NMBR: variants seen among roughly 807,000 people sequenced by gnomAD.
NMBR encodes neuromedin B receptor.
Under a neutral mutation model 20.5 loss-of-function variants are expected in NMBR, and 16 were observed. That is an observed-to-expected ratio of 0.78 (90% CI 0.53 to 1.19). The LOEUF (loss-of-function observed/expected upper bound fraction) is 1.19. NMBR is among the 50% of genes most tolerant of loss of function. The pLI is 0.00. For missense variants in NMBR, 582 were observed against 499.1 expected (o/e 1.17, Z -1.58); for synonymous variants, 212 against 196.6 (o/e 1.08, Z -0.65).
intron 1 of NMBR, among the ~76,000 whole-genome samples, chr6:142,125,987 T>C (rs1229302261): frequency 1.3e-5 from 2 of 151,778 alleles, no homozygotes; most frequent in Admixed American, 6.6e-5. Flanking sequence ...GTACATTAGA[T>C]TTCCAGAAGT....
At chr6:142,081,253 G>A (rs890023925) in intron 2 of NMBR, among the ~76,000 whole-genome samples, 1 of 152,026 alleles carries the variant, frequency 6.6e-6, no homozygotes, top group Non-Finnish European at 1.5e-5. Flanking sequence ...CATCATCTTG[G>A]GGAGTAGGAT....
intron 1 of NMBR, among the ~76,000 whole-genome samples, chr6:142,111,113 G>T (rs573310575): frequency 6.6e-6 from 1 of 151,912 alleles, no homozygotes; most frequent in African/African-American, 2.4e-5. Flanking sequence ...GGTGGCATGC[G>T]CGTGTATTCC....
intron 1 of NMBR, among the ~76,000 whole-genome samples, chr6:142,092,967 A>G: frequency 6.6e-6 from 1 of 152,134 alleles, no homozygotes; most frequent in Non-Finnish European, 1.5e-5. Context: ...CAGTATAACA[A>G]CCTTGTAAAC....
At chr6:142,095,176 C>G (rs1191025539) in intron 1 of NMBR, among the ~76,000 whole-genome samples, 1 of 152,008 alleles carries the variant, frequency 6.6e-6, no homozygotes, top group East Asian at 1.9e-4. Context: ...CTGGCCAGAA[C>G]TTCCAACACT....
intron 1 of NMBR, among the ~76,000 whole-genome samples, chr6:142,126,163 G>C (rs1321452909): frequency 1.3e-5 from 2 of 151,372 alleles, no homozygotes; most frequent in Non-Finnish European, 2.9e-5. Flanking sequence ...TTCTGTTTCT[G>C]GCTTATTTCC....
At chr6:142,083,743 A>G (rs1391539766) in intron 2 of NMBR, among the ~76,000 whole-genome samples, 1 of 152,084 alleles carries the variant, frequency 6.6e-6, no homozygotes, top group Non-Finnish European at 1.5e-5. Context: ...CCCTTCTGCC[A>G]TGTTTCTAAG....
At chr6:142,134,849 T>C (rs1489324932) in intron 1 of NMBR, 3 of 647,052 alleles carry the variant, frequency 4.6e-6, no homozygotes, top group Non-Finnish European at 8.2e-6. Context: ...TTTACAACAA[T>C]TACAATTTTA....
At chr6:142,096,906 G>C (rs1010770501) in intron 1 of NMBR, among the ~76,000 whole-genome samples, 1 of 151,780 alleles carries the variant, frequency 6.6e-6, no homozygotes, top group Admixed American at 6.6e-5. Flanking sequence ...TTGTTGAATT[G>C]ATCCCTTTAC....
At chr6:142,111,369 T>C (rs776058097) in intron 1 of NMBR, among the ~76,000 whole-genome samples, 6 of 152,084 alleles carry the variant, frequency 3.9e-5, no homozygotes, top group Non-Finnish European at 8.8e-5. Flanking sequence ...CAAGGGGCAA[T>C]GAGTACAACA....
chr6:142,104,651 G>T (rs1409358300), intron 1 of NMBR, among the ~76,000 whole-genome samples: 1 of 152,184 alleles, frequency 6.6e-6, no homozygotes, highest in Non-Finnish European at 1.5e-5. Context: ...CTCTTTAATG[G>T]AGAAGGCTGT....
At chr6:142,100,225 T>G (rs765431309) in intron 1 of NMBR, among the ~76,000 whole-genome samples, 5 of 152,284 alleles carry the variant, frequency 3.3e-5, no homozygotes, top group Non-Finnish European at 7.3e-5. Context: ...ACCCAAAATA[T>G]TTGAAAACAT....
chr6:142,120,507 G>A (rs923050076), intron 1 of NMBR, among the ~76,000 whole-genome samples: 17 of 151,894 alleles, frequency 1.1e-4, no homozygotes, highest in Non-Finnish European at 4.4e-5. Context: ...GGGTCTACTT[G>A]AGGCTCTGAG....
chr6:142,132,521 G>T (rs142431069), intron 1 of NMBR, among the ~76,000 whole-genome samples: 17 of 152,166 alleles, frequency 1.1e-4, no homozygotes, highest in Non-Finnish European at 2.2e-4. Context: ...CATGTCTGTG[G>T]CAAGCATTCA....
Position 142,078,884 on chromosome 6 carries a change from G to T in NMBR, c.442C>A (p.Pro148Thr), listed in dbSNP as rs148202124. The T allele has an allele frequency of 3.7e-6, 6 of 1,612,122 alleles. No individual in the cohort carries two copies. In the Admixed American group the frequency reaches 6.7e-5, roughly 18 times the overall value. ...SADRYRAIVN[P>T]MDMQTSGALL... ...GCCCCTGACGTCTGCATGTCCATGGGGTTAACGATGGCTCTGTACCTGGGA... is the reference window on the plus strand; with the variant it reads ...GCCCCTGACGTCTGCATGTCCATGGTGTTAACGATGGCTCTGTACCTGGGA... Residue 148 changes from proline to threonine, a missense_variant, in exon 3 of 4, where the codon CCC (proline) becomes ACC (threonine). Transcript: ENST00000258042.
intron 2 of NMBR, among the ~76,000 whole-genome samples, chr6:142,082,839 A>G (rs1473442645): frequency 6.6e-6 from 1 of 152,198 alleles, no homozygotes; most frequent in African/African-American, 2.4e-5. Context: ...TAAGGAAAGC[A>G]CCACCTTATG....
intron 1 of NMBR, among the ~76,000 whole-genome samples, chr6:142,102,286 A>G (rs1288547006): frequency 1.3e-5 from 2 of 151,598 alleles, no homozygotes; most frequent in African/African-American, 2.4e-5. Flanking sequence ...GCTACTCAGG[A>G]GACTGAGGCA....
chr6:142,101,899 G>A (rs1022021685), intron 1 of NMBR, among the ~76,000 whole-genome samples: 1 of 152,036 alleles, frequency 6.6e-6, no homozygotes, highest in African/African-American at 2.4e-5. Flanking sequence ...TGTCAATCCA[G>A]TTGAAGACAG....
intron 2 of NMBR, among the ~76,000 whole-genome samples, chr6:142,084,455 AT>A (rs1404304366): frequency 1.3e-5 from 2 of 152,208 alleles, no homozygotes; most frequent in Non-Finnish European, 2.9e-5. Flanking sequence ...AGAAGAAAGT[AT>A]CACCCAATAC....
intron 1 of NMBR, among the ~76,000 whole-genome samples, chr6:142,104,271 A>G (rs1189525404): frequency 6.6e-6 from 1 of 152,236 alleles, no homozygotes; most frequent in Non-Finnish European, 1.5e-5. Context: ...GATAGCACAT[A>G]GCTAAACATA....
Sources: gnomAD v4.1 joint callset for allele counts (sites outside exome capture counted in the v4.1 genomes callset) on GRCh38, gnomAD v4.1.1 for gene constraint, MANE v1.5 for transcripts, NCBI Gene and HGNC (gene_info 2026-07-23, HGNC 2026-07-21) for gene names.